SMYD2: variants seen among roughly 807,000 people sequenced by gnomAD.
SMYD2 encodes SET and MYND domain containing 2.
SMYD2 carries 53 observed loss-of-function variants against 59.1 expected under a neutral mutation model. The observed-to-expected ratio is 0.90, with a 90% CI of 0.72 to 1.13. The LOEUF (loss-of-function observed/expected upper bound fraction) is 1.13, where lower values mean the gene tolerates loss of function less well. Among genes scored for constraint, SMYD2 ranks in the 50% most tolerant of loss-of-function variants. The pLI is 0.00. For missense variants in SMYD2, 494 were observed against 544.7 expected (o/e 0.91, Z 0.93); for synonymous variants, 208 against 198.8 (o/e 1.05, Z -0.39).
intron 2 of SMYD2, among the ~76,000 whole-genome samples, chr1:214,311,070 A>G (rs958312773): frequency 6.6e-6 from 1 of 152,120 alleles, no homozygotes; most frequent in African/African-American, 2.4e-5. Context: ...TTATCCAGCT[A>G]CCTGATTTTA....
chr1:214,297,336 T>C (rs1300691407), intron 1 of SMYD2, among the ~76,000 whole-genome samples: 2 of 152,048 alleles, frequency 1.3e-5, no homozygotes, highest in African/African-American at 4.8e-5. Flanking sequence ...TTAAGGAAAT[T>C]TTGTTTTCTT....
intron 1 of SMYD2, among the ~76,000 whole-genome samples, chr1:214,290,551 G>A (rs989138878): frequency 2.0e-5 from 3 of 152,164 alleles, no homozygotes; most frequent in African/African-American, 4.8e-5. Flanking sequence ...AGACACTGTT[G>A]TGTCTTAGTG....
chr1:214,329,073 T>C (rs1171568456), intron 7 of SMYD2, among the ~76,000 whole-genome samples: 1 of 152,170 alleles, frequency 6.6e-6, no homozygotes, highest in Admixed American at 6.5e-5. Flanking sequence ...GTTGGCAGGC[T>C]CTTGTGGTGT....
chr1:214,290,369 TTGTACA>T (rs567050723), intron 1 of SMYD2, among the ~76,000 whole-genome samples: 1 of 152,228 alleles, frequency 6.6e-6, no homozygotes. Flanking sequence ...CTAGCGACTC[TTGTACA>T]TGAAGTGGAA....
chr1:214,311,708 AAATT>A (rs1276236454), intron 2 of SMYD2, among the ~76,000 whole-genome samples: 1 of 152,098 alleles, frequency 6.6e-6, no homozygotes, highest in Non-Finnish European at 1.5e-5. Flanking sequence ...CTACATTAAT[AAATT>A]GATATTTTAT....
At chr1:214,335,365 AAGT>A (rs1365856807) in intron 11 of SMYD2, among the ~76,000 whole-genome samples, 1 of 152,224 alleles carries the variant, frequency 6.6e-6, no homozygotes, top group Non-Finnish European at 1.5e-5. Flanking sequence ...TCAGGTGATT[AAGT>A]AATAGATCAA....
In SMYD2 at chr1:214,324,625, C is replaced by T. The variant is rs755704016; in HGVS notation, c.535-16C>T. On this transcript the variant is annotated splice_polypyrimidine_tract_variant and intron_variant, in intron 5 of 11. Coordinates refer to ENST00000366957, the MANE Select transcript of SMYD2 (RefSeq NM_020197.3). ...TCCAGCTCATTTTTTTCCTTTCTCC[C>T]TTTTTCTTGCTGCAGGTTAACTGTA... 1.6e-5 allele frequency: 26 copies of T among 1,596,668 alleles called. No homozygotes were observed. The East Asian group carries it at 4.5e-4, about 27-fold the overall frequency.
chr1:214,316,966 G>A (rs1242868801), intron 3 of SMYD2, among the ~76,000 whole-genome samples: 1 of 152,156 alleles, frequency 6.6e-6, no homozygotes, highest in Non-Finnish European at 1.5e-5. Context: ...ATCTTGGGAG[G>A]ATTGGGTGGC....
chr1:214,290,683 T>C (rs1049031874), intron 1 of SMYD2, among the ~76,000 whole-genome samples: 1 of 152,294 alleles, frequency 6.6e-6, no homozygotes, highest in East Asian at 1.9e-4. Flanking sequence ...AAGACCTGAA[T>C]GTATCTTGGG....
chr1:214,318,757 T>C lies in SMYD2; in HGVS notation c.410-102T>C. ...AACATGTTAGTTTTGGGTTTTTTTT[T>C]TTTCGCCCGTTCCTTTCCTCTGTAT... On this transcript the variant is annotated intron_variant, in intron 4 of 11. Coordinates refer to ENST00000366957, the MANE Select transcript of SMYD2 (RefSeq NM_020197.3). This position sits in a 1 kb window ranked among gnomAD's most constrained non-coding sequence, Gnocchi z 5.4. The C allele has an allele frequency of 1.4e-6, 2 of 1,387,420 alleles. No individual in the cohort carries two copies. The highest frequency in any genetic ancestry group is 9.6e-7 in the Non-Finnish European group (1 of 1,038,214). 85.9% of individuals were successfully genotyped at this position (1,387,420 alleles called of 1,614,324 possible).
intron 1 of SMYD2, among the ~76,000 whole-genome samples, chr1:214,281,646 T>C (rs934536912): frequency 3.9e-5 from 6 of 152,186 alleles, no homozygotes; most frequent in Admixed American, 3.3e-4. Flanking sequence ...GGTGCCCCGC[T>C]GCACGCCCTG....
intron 1 of SMYD2, among the ~76,000 whole-genome samples, chr1:214,302,968 T>C (rs1278320451): frequency 6.6e-6 from 1 of 152,202 alleles, no homozygotes; most frequent in East Asian, 1.9e-4. Context: ...GTCCTACATA[T>C]GGGCTTTTAG....
chr1:214,305,988 T>C (rs1186728152), intron 2 of SMYD2, among the ~76,000 whole-genome samples: 2 of 152,230 alleles, frequency 1.3e-5, no homozygotes, highest in Non-Finnish European at 2.9e-5. Context: ...TGTAGTCTCT[T>C]TACTTCAGAA....
chr1:214,330,981 G>A lies in SMYD2; in HGVS notation c.848G>A (p.Ser283Asn). 6.2e-7 allele frequency: 1 copy of A among 1,614,240 alleles called. No individual in the cohort carries two copies. The highest frequency in any genetic ancestry group is 8.5e-7 in the Non-Finnish European group (1 of 1,180,050). ...DKAKVEIRKL[S>N]DPPKAEAIRD... ...GCCAAGGTGGAAATCCGGAAGCTCA[G>A]CGATCCCCCAAAGGCAGAAGCCATC... The change falls in exon 9 of 12, where the codon AGC becomes AAC. Residue 283 changes from serine (S) to asparagine (N), a missense_variant. Coordinates refer to ENST00000366957, the MANE Select transcript of SMYD2 (RefSeq NM_020197.3).
intron 1 of SMYD2, among the ~76,000 whole-genome samples, chr1:214,296,745 C>T (rs532747486): frequency 3.3e-5 from 5 of 151,004 alleles, no homozygotes; most frequent in East Asian, 3.9e-4. Context: ...TGCCCAAGAT[C>T]ACATAGTACA....
At chr1:214,285,018 G>T (rs542715722) in intron 1 of SMYD2, among the ~76,000 whole-genome samples, 95 of 152,292 alleles carry the variant, frequency 6.2e-4, no homozygotes, top group African/African-American at 2.3e-3. Flanking sequence ...TGTTTGTTCT[G>T]AGTGTAGGGG....
At chr1:214,286,467 T>A (rs1006841310) in intron 1 of SMYD2, among the ~76,000 whole-genome samples, 4 of 151,840 alleles carry the variant, frequency 2.6e-5, no homozygotes, top group African/African-American at 9.7e-5. Flanking sequence ...ACCCTGTCTC[T>A]TAAAAAAAAT....
intron 2 of SMYD2, among the ~76,000 whole-genome samples, chr1:214,305,550 A>G (rs1656902923): frequency 6.6e-6 from 1 of 152,258 alleles, no homozygotes; most frequent in Non-Finnish European, 1.5e-5. Context: ...CAGAGTTGAC[A>G]AATAAACAAT....
intron 3 of SMYD2, among the ~76,000 whole-genome samples, chr1:214,316,481 TC>T (rs1657087263): frequency 6.6e-6 from 1 of 150,908 alleles, no homozygotes; most frequent in Admixed American, 6.6e-5. Context: ...TAAATGAGAC[TC>T]TGTCTCTAAA....
Sources: gnomAD v4.1 joint callset for allele counts (sites outside exome capture counted in the v4.1 genomes callset) on GRCh38, gnomAD v4.1.1 for gene constraint, Gnocchi (gnomAD v3.1) non-coding constraint, MANE v1.5 for transcripts, NCBI Gene and HGNC (gene_info 2026-07-23, HGNC 2026-07-21) for gene names.